Variants in CACNA1H observed in about 807,000 individuals in gnomAD.
The protein encoded by CACNA1H is voltage-dependent T-type calcium channel subunit alpha-1H.
Under a neutral mutation model 192.5 loss-of-function variants are expected in CACNA1H, and 149 were observed. That is an observed-to-expected ratio of 0.77 (90% CI 0.68 to 0.89). CACNA1H has a LOEUF of 0.89. Ranked by LOEUF, CACNA1H falls within the 40% of genes least tolerant of loss-of-function variation. The probability of loss-of-function intolerance (pLI) is 0.00; values close to 1 mark genes in which losing one functional copy is unlikely to be tolerated. For missense variants in CACNA1H, 4,257 were observed against 3,423.5 expected (o/e 1.24, Z -6.08); for synonymous variants, 2,202 against 1,475.2 (o/e 1.49, Z -11.29).
intron 11 of CACNA1H, among the ~76,000 whole-genome samples, chr16:1,205,660 A>T (rs1413316639): frequency 6.6e-6 from 1 of 152,234 alleles, no homozygotes; most frequent in African/African-American, 2.4e-5. Context: ...AAATTAAACC[A>T]GAAAGGATTG....
Position 1,192,107 on chromosome 16 carries a change from G to T in CACNA1H, c.300-2865G>T, listed in dbSNP as rs969321770. Among the ~76,000 whole-genome samples the T allele has an allele frequency of 9.8e-5, 15 of 152,338 alleles. No homozygotes were observed. The Middle Eastern group carries it at 0.01, about 104-fold the overall frequency. On this transcript the variant is annotated intron_variant, in intron 2 of 34. Coordinates refer to ENST00000348261, the MANE Select transcript of CACNA1H (RefSeq NM_021098.3). ...GCACCTGGATGGGAGGGGCTCACTG[G>T]AGCCACACCCCTGCTTGGAAAAGAC...
At position 1,219,079 on chromosome 16, in the gene CACNA1H, C is replaced by T. The variant is rs1166819207; in HGVS notation, c.5997C>T (p.Ser1999=). 2.6e-6 allele frequency: 4 copies of T among 1,549,272 alleles called. No individual in the cohort carries two copies. The highest frequency in any genetic ancestry group is 1.7e-4 in the Middle Eastern group (1 of 6,004). Residue 1999 remains serine (S), a synonymous_variant, in exon 34 of 35, where the codon TCC becomes TCT. Coordinates refer to ENST00000348261, the MANE Select transcript of CACNA1H (RefSeq NM_021098.3). ...ARSGEPLHAL[S]PRGTARSPSL... The stretch of plus-strand genomic sequence containing the variant: ...GCGGCGAGCCCCTCCACGCCCTGTC[C>T]CCTCGGGGCACAGCCCGCTCCCCCA...
chr16:1,200,230 T>C (rs1967672175), intron 6 of CACNA1H, 26 bp from the exon 7 acceptor site: 6 of 1,565,626 alleles, frequency 3.8e-6, no homozygotes, highest in Non-Finnish European at 5.2e-6. Flanking sequence ...ATTGTACCTT[T>C]TGGCCCTGGC....
intron 2 of CACNA1H, among the ~76,000 whole-genome samples, chr16:1,194,579 G>GC (rs767665177): frequency 1.4e-3 from 219 of 152,298 alleles, no homozygotes; most frequent in Admixed American, 2.9e-3. Context: ...CCTGCCTACA[G>GC]CCCCCCAGCG....
Position 1,220,839 on chromosome 16 carries a change from C to T in CACNA1H, c.6907C>T (p.Leu2303=). Residue 2303 remains leucine (L), a synonymous_variant, in exon 35 of 35, where the codon CTG becomes TTG. Coordinates refer to ENST00000348261, the MANE Select transcript of CACNA1H (RefSeq NM_021098.3). The part of the protein sequence containing the change: ...RASSSGAIVP[L]EPPESEPPMP... ...TTCCTCTTCAGGGGCCATAGTGCCC[C>T]TGGAACCCCCAGAATCAGAGCCTCC... The T allele has an allele frequency of 1.2e-6, 2 of 1,612,846 alleles. No homozygotes were observed. The highest frequency in any genetic ancestry group is 1.7e-6 in the Non-Finnish European group (2 of 1,179,832).
intron 16 of CACNA1H, among the ~76,000 whole-genome samples, 174 bp from the exon 17 acceptor site, chr16:1,208,858 T>A (rs1168490573): frequency 6.6e-6 from 1 of 152,174 alleles, no homozygotes; most frequent in African/African-American, 2.4e-5. Flanking sequence ...CCTCATGAGC[T>A]ACGCCTGTGG....
intron 2 of CACNA1H, among the ~76,000 whole-genome samples, chr16:1,166,877 G>A (rs939190009): frequency 1.3e-5 from 2 of 152,192 alleles, no homozygotes; most frequent in South Asian, 2.1e-4. Flanking sequence ...TGGCGCTGCC[G>A]GGCCGTCCCT....
In CACNA1H at chr16:1,220,523, T is replaced by C. The variant is rs1430005370; in HGVS notation, c.6591T>C (p.Pro2197=). Residue 2197 remains proline, a synonymous_variant, in exon 35 of 35, where the codon CCT becomes CCC. Transcript: ENST00000348261. ...MSPPCISVEP[P]AEDEGSARPS... The stretch of plus-strand genomic sequence containing the variant: ...CCCCCTGCATCTCGGTGGAACCCCC[T>C]GCGGAGGACGAGGGCTCTGCGCGGC... 5 of 1,534,164 alleles carry C rather than the reference T, an allele frequency of 3.3e-6. No homozygotes were observed. Among genetic ancestry groups the C allele is most frequent in the East Asian group, 2.3e-5 (1 of 44,122 alleles).
At chr16:1,213,711 T>G in intron 26 of CACNA1H, 69 bp from the exon 27 acceptor site, 2 of 1,253,498 alleles carry the variant, frequency 1.6e-6, no homozygotes, top group Admixed American at 2.9e-5. Context: ...AGGAGGAGAA[T>G]GGAGTCTGCA....
intron 2 of CACNA1H, among the ~76,000 whole-genome samples, chr16:1,186,204 C>T (rs919224832): frequency 1.3e-5 from 2 of 150,742 alleles, no homozygotes; most frequent in South Asian, 4.2e-4. Context: ...CCAGGGTGTA[C>T]CGTGCTGGTC....
intron 12 of CACNA1H, 139 bp downstream of exon 12, chr16:1,206,428 T>C (rs1484174159): frequency 1.3e-6 from 1 of 744,684 alleles, no homozygotes; most frequent in Admixed American, 2.7e-5. Context: ...CGGCCTCTGC[T>C]GCCTTCATTT....
intron 26 of CACNA1H, 58 bp downstream of exon 26, chr16:1,212,586 G>T (rs1969588655): frequency 2.5e-6 from 4 of 1,577,646 alleles, no homozygotes; most frequent in Non-Finnish European, 3.4e-6. Flanking sequence ...GCTCGGGGAA[G>T]GGCGGGCATC....
At position 1,180,065 on chromosome 16, in the gene CACNA1H, C is replaced by A. The variant is rs1385692495; in HGVS notation, c.300-14907C>A. Among the ~76,000 whole-genome samples, 3 of 152,158 alleles carry A rather than the reference C, an allele frequency of 2.0e-5. No individual in the cohort carries two copies. The highest frequency in any genetic ancestry group is 2.0e-4 in the Admixed American group (3 of 15,280). On this transcript the variant is annotated intron_variant, in intron 2 of 34. Coordinates refer to ENST00000348261, the MANE Select transcript of CACNA1H (RefSeq NM_021098.3). The surrounding 1 kb of genome is among the most constrained non-coding windows in gnomAD (Gnocchi z 4.4). ...TTGTTTTTTAATATACATCTGGTTG[C>A]CGGGTGATACTGAGGGGGCCGGGCT...
chr16:1,203,049 A>G (rs575268749), intron 9 of CACNA1H, among the ~76,000 whole-genome samples: 4 of 152,224 alleles, frequency 2.6e-5, no homozygotes, highest in South Asian at 2.1e-4. Context: ...TTCTGTACAC[A>G]GATGTAGAGA....
chr16:1,195,151 TGG>T (rs1966859369), intron 3 of CACNA1H, 68 bp downstream of exon 3: 2 of 105,808 alleles, frequency 1.9e-5, no homozygotes, highest in African/African-American at 3.3e-4. Context: ...CAAGGCGGAG[TGG>T]GGCGGGGGCG....
In CACNA1H at chr16:1,207,836, A is replaced by G. The variant is rs769881838; in HGVS notation, c.3130A>G (p.Lys1044Glu). Residue 1044 changes from lysine (K) to glutamate (E), a missense_variant, in exon 15 of 35, where the codon AAG (lysine) becomes GAG (glutamate). Lys to Glu is a moderately conservative substitution (Grantham distance 56). Transcript: ENST00000348261. ...TSVHFEEDFH[K>E]LRELQTTELK... Reference sequence around the variant, plus strand: ...GGTCCACTTCGAGGAGGACTTCCACAAGCTCAGAGAACTCCAGACCACAGG... The same window carrying G: ...GGTCCACTTCGAGGAGGACTTCCACGAGCTCAGAGAACTCCAGACCACAGG... 2 of 1,598,664 alleles carry G rather than the reference A, an allele frequency of 1.3e-6. No homozygotes were observed. The highest frequency in any genetic ancestry group is 2.3e-5 in the East Asian group (1 of 43,922).
At chr16:1,174,913 G>GCACCTTCACCCCCAACCCC (rs1964716226) in intron 2 of CACNA1H, among the ~76,000 whole-genome samples, 2 of 141,968 alleles carry the variant, frequency 1.4e-5, no homozygotes, top group Admixed American at 1.4e-4. Flanking sequence ...GCCCCCACCC[G>GCACCTTCACCCCCAACCCC]CACCTTCACC....
At chr16:1,217,113 G>C in intron 31 of CACNA1H, 103 bp downstream of exon 31, 4 of 1,018,346 alleles carry the variant, frequency 3.9e-6, no homozygotes, top group Non-Finnish European at 5.8e-6. Context: ...ATAGCGTGGG[G>C]CCTGATCAGG....
At position 1,219,973 on chromosome 16, in the gene CACNA1H, C is replaced by T. The variant is rs763861671; in HGVS notation, c.6049-8C>T. On this transcript the variant is annotated splice_polypyrimidine_tract_variant and splice_region_variant and intron_variant, in intron 34 of 34. Coordinates refer to ENST00000348261, the MANE Select transcript of CACNA1H (RefSeq NM_021098.3). Reference sequence around the variant, plus strand: ...CCCGCCCCTCACTTTGACTCTACGCCCCCACAGGAGGCTGTGCACACCGAT... The same window carrying T: ...CCCGCCCCTCACTTTGACTCTACGCTCCCACAGGAGGCTGTGCACACCGAT... The T allele has an allele frequency of 1.5e-6, 2 of 1,298,470 alleles. No individual in the cohort carries two copies. The highest frequency in any genetic ancestry group is 3.1e-5 in the African/African-American group (2 of 65,388). The allele number at this position is 1,298,470 out of a possible 1,614,324, so 80.4% of individuals were successfully genotyped here. A position where few individuals can be genotyped will look rare whatever the true frequency, so the allele number is the denominator to read the frequency against.
Sources: gnomAD v4.1 joint callset for allele counts (sites outside exome capture counted in the v4.1 genomes callset) on GRCh38, gnomAD v4.1.1 for gene constraint, Gnocchi (gnomAD v3.1) non-coding constraint, MANE v1.5 for transcripts, NCBI Gene and HGNC (gene_info 2026-07-23, HGNC 2026-07-21) for gene names.